Variants in SORL1 observed in about 807,000 individuals in gnomAD.
The protein encoded by SORL1 is sortilin related receptor 1.
A neutral mutation model predicts 273.7 loss-of-function variants in SORL1; 127 were observed. The ratio of observed to expected loss-of-function variants is 0.46; its 90% CI spans 0.40 to 0.54. The LOEUF is 0.54. SORL1 is among the 20% of genes least tolerant of loss of function. SORL1 has a pLI of 0.00. For missense variants in SORL1, 2,494 were observed against 2,846.1 expected (o/e 0.88, Z 2.81); for synonymous variants, 1,031 against 1,067.4 (o/e 0.97, Z 0.66).
In SORL1 at chr11:121,555,602, T is replaced by C. The variant is rs192500850; in HGVS notation, c.2571+284T>C. On this transcript the variant is annotated intron_variant, in intron 18 of 47. Coordinates refer to ENST00000260197, the MANE Select transcript of SORL1 (RefSeq NM_003105.6). ...ACTTATTTTATTTATATATTATTTT[T>C]GTTTTATTTTACTACTTTTATTAAA... Among the ~76,000 whole-genome samples, 279 of 152,214 alleles carry C rather than the reference T, an allele frequency of 1.8e-3. 3 individuals carry two copies. Among genetic ancestry groups the C allele is most frequent in the Admixed American group, 0.016 (243 of 15,292 alleles).
In SORL1 at chr11:121,553,916, CG is replaced by C; in HGVS notation, c.2267-20del. ...AGCATCCCCTGGGTCCAACCTCCCA[CG>C]TGTCTTGTGTGTCTGGCAGAAGAGA... On this transcript the variant is annotated intron_variant, in intron 16 of 47. Transcript: ENST00000260197. 1 of 1,605,158 alleles carries C rather than the reference CG, an allele frequency of 6.2e-7. No homozygotes were observed. The highest frequency in any genetic ancestry group is 8.5e-7 in the Non-Finnish European group (1 of 1,174,294).
rs369018073 is a variant in SORL1 at position 121,478,208 on chromosome 11, G to A, written c.493G>A (p.Ala165Thr). 25 of 1,614,066 alleles carry A rather than the reference G, an allele frequency of 1.5e-5. No homozygotes were observed. Among genetic ancestry groups the A allele is most frequent in the Non-Finnish European group, 1.9e-5 (23 of 1,180,006 alleles). ...GGGAAATAGGAGTGAAGCTGTTATC[G>A]CCCAGTTCTACCACAGCCCTGCGGA... ...GLGNRSEAVI[A>T]QFYHSPADNK... is the part of the protein sequence containing the mutation. Residue 165 changes from alanine to threonine, a missense_variant, in exon 3 of 48, where the codon GCC (alanine) becomes ACC (threonine). Physicochemically the swap from Ala to Thr is moderately conservative, Grantham distance 58. This residue lies in a region of SORL1 where 710 missense variants were observed against 882.5 expected (regional missense o/e 0.80). Transcript: ENST00000260197.
chr11:121,554,180 G>T lies in SORL1; in HGVS notation c.2439+71G>T, dbSNP rs771986479. On this transcript the variant is annotated intron_variant, in intron 17 of 47. Coordinates refer to ENST00000260197, the MANE Select transcript of SORL1 (RefSeq NM_003105.6). This position sits in a 1 kb window ranked among gnomAD's most constrained non-coding sequence, Gnocchi z 4.6. ...GCCCTGTCCTGATAAGCTGCATGCA[G>T]AATGGCCTATGGAAATGGGCAGTTA... 1.3e-5 allele frequency: 18 copies of T among 1,406,384 alleles called. No homozygotes were observed. The highest frequency in any genetic ancestry group is 1.7e-5 in the Non-Finnish European group (17 of 1,019,646). The allele number at this position is 1,406,384 out of a possible 1,614,324, so 87.1% of individuals were successfully genotyped here.
chr11:121,567,218 T>C lies in SORL1; in HGVS notation c.3223+105T>C, dbSNP rs1385301561. ...TCTGTTTCCTAACCTTTTCGTGTTATTGGAAAAAGTCCAAGGTAAAAATCA... is the reference window on the plus strand; with the variant it reads ...TCTGTTTCCTAACCTTTTCGTGTTACTGGAAAAAGTCCAAGGTAAAAATCA... On this transcript the variant is annotated intron_variant, in intron 22 of 47. Transcript: ENST00000260197. 7.0e-6 allele frequency: 7 copies of C among 998,792 alleles called. No homozygotes were observed. The East Asian group carries it at 7.4e-5, about 11-fold the overall frequency. The allele number at this position is 998,792 out of a possible 1,614,324, so 61.9% of individuals were successfully genotyped here.
intron 22 of SORL1, among the ~76,000 whole-genome samples, chr11:121,567,965 G>A (rs952694359): frequency 5.3e-5 from 8 of 152,044 alleles, no homozygotes; most frequent in Non-Finnish European, 2.9e-5. Flanking sequence ...GCACATTCAC[G>A]GCTCACTGCA....
At chr11:121,486,464 C>G (rs1048121655) in intron 3 of SORL1, among the ~76,000 whole-genome samples, 2 of 151,552 alleles carry the variant, frequency 1.3e-5, no homozygotes, top group African/African-American at 4.8e-5. Context: ...CATGGTGAGA[C>G]TCTGTTTCTT....
chr11:121,579,367 G>A (rs916038774), intron 25 of SORL1, among the ~76,000 whole-genome samples: 8 of 152,168 alleles, frequency 5.3e-5, no homozygotes, highest in African/African-American at 9.7e-5. Context: ...ATTAAGCTGC[G>A]TACAGTGCCA....
intron 3 of SORL1, among the ~76,000 whole-genome samples, chr11:121,485,041 C>CA (rs1371982650): frequency 1.3e-5 from 2 of 152,222 alleles, no homozygotes; most frequent in African/African-American, 4.8e-5. Flanking sequence ...AGGCATGAGC[C>CA]ACCCCGCCCG....
chr11:121,554,882 T>A lies in SORL1; in HGVS notation c.2440-305T>A. Among the ~76,000 whole-genome samples the A allele has an allele frequency of 6.6e-6, 1 of 152,230 alleles. No individual in the cohort carries two copies. Among genetic ancestry groups the A allele is most frequent in the East Asian group, 1.9e-4 (1 of 5,202 alleles). ...TAAAAGCAAACAGACTCATACAATC[T>A]CAGTAATCTCTGACTTTATTATTGC... On this transcript the variant is annotated intron_variant, in intron 17 of 47. Transcript: ENST00000260197. The surrounding 1 kb of genome is among the most constrained non-coding windows in gnomAD (Gnocchi z 4.6).
chr11:121,538,306 A>G (rs1374993274), intron 12 of SORL1, among the ~76,000 whole-genome samples: 1 of 152,064 alleles, frequency 6.6e-6, no homozygotes, highest in Non-Finnish European at 1.5e-5. Flanking sequence ...CAGTCCAGAA[A>G]ATACTCACGT....
Position 121,513,040 on chromosome 11 carries a change from T to C in SORL1, c.977T>C (p.Leu326Pro). ...AGTGAACAGCAGTCTTCTGTCCAGC[T>C]CTGGGTCTCCTTTGGCCGGAAGCCC... ...LGSEQQSSVQ[L>P]WVSFGRKPMR... Residue 326 changes from leucine to proline, a missense_variant, in exon 7 of 48, where the codon CTC (leucine) becomes CCC (proline). Coordinates refer to ENST00000260197, the MANE Select transcript of SORL1 (RefSeq NM_003105.6). The C allele has an allele frequency of 1.2e-6, 2 of 1,614,222 alleles. No individual in the cohort carries two copies. Among genetic ancestry groups the C allele is most frequent in the East Asian group, 2.2e-5 (1 of 44,892 alleles).
chr11:121,512,875 C>A, intron 6 of SORL1, 128 bp from the exon 7 acceptor site: 1 of 670,316 alleles, frequency 1.5e-6, no homozygotes, highest in Non-Finnish European at 2.6e-6. Flanking sequence ...CATGAATTTG[C>A]AATCACAGTC....
At chr11:121,577,875 G>A (rs147275061) in intron 25 of SORL1, among the ~76,000 whole-genome samples, 245 of 152,222 alleles carry the variant, frequency 1.6e-3, no homozygotes, top group Middle Eastern at 3.4e-3. Flanking sequence ...TATAAGGTAG[G>A]GGTAGTGTTC....
chr11:121,612,641 A>G (rs1206835198), intron 39 of SORL1, 95 bp from the exon 40 acceptor site: 1 of 874,220 alleles, frequency 1.1e-6, no homozygotes, highest in Non-Finnish European at 1.8e-6. Context: ...ACCCAAGGAA[A>G]GAACAGGAAA....
chr11:121,457,493 T>C (rs1860926949), intron 1 of SORL1, among the ~76,000 whole-genome samples: 1 of 152,254 alleles, frequency 6.6e-6, no homozygotes, highest in African/African-American at 2.4e-5. Flanking sequence ...TATAAATGGC[T>C]TCCTGTTACC....
rs147641397 is a variant in SORL1 at position 121,594,621 on chromosome 11, C to T, written c.4370-1002C>T. Reference sequence around the variant, plus strand: ...AAATAATATATTCTTTCTTTCTGAACGTATTAAGGATATTTGTTTTTGAAG... The same window carrying T: ...AAATAATATATTCTTTCTTTCTGAATGTATTAAGGATATTTGTTTTTGAAG... On this transcript the variant is annotated intron_variant, in intron 31 of 47. Transcript: ENST00000260197. 1.2e-3 allele frequency among the ~76,000 whole-genome samples: 179 copies of T among 152,116 alleles called. 3 individuals carry two copies. The highest frequency in any genetic ancestry group is 3.6e-3 in the African/African-American group (151 of 41,512).
chr11:121,570,366 A>G, intron 23 of SORL1, 96 bp downstream of exon 23: 1 of 783,556 alleles, frequency 1.3e-6, no homozygotes, highest in South Asian at 1.8e-5. Flanking sequence ...GGCGAGGGCC[A>G]CCCATGATTG....
In SORL1 at chr11:121,550,793, G is replaced by A; in HGVS notation, c.2266+123G>A. 1 of 695,846 alleles carries A rather than the reference G, an allele frequency of 1.4e-6. No individual in the cohort carries two copies. Among genetic ancestry groups the A allele is most frequent in the East Asian group, 2.8e-5 (1 of 36,220 alleles). The allele number at this position is 695,846 out of a possible 1,614,324, so 43.1% of individuals were successfully genotyped here. ...TGGAGAAAAACAATGGCCGTCACAAGCATCACAGGGCTTCCTCTTTTCCCT... is the reference window on the plus strand; with the variant it reads ...TGGAGAAAAACAATGGCCGTCACAAACATCACAGGGCTTCCTCTTTTCCCT... On this transcript the variant is annotated intron_variant, in intron 16 of 47. Coordinates refer to ENST00000260197, the MANE Select transcript of SORL1 (RefSeq NM_003105.6). The surrounding 1 kb of genome is among the most constrained non-coding windows in gnomAD (Gnocchi z 5.3).
At chr11:121,478,811 C>CT (rs1861322770) in intron 3 of SORL1, among the ~76,000 whole-genome samples, 2 of 149,764 alleles carry the variant, frequency 1.3e-5, no homozygotes, top group African/African-American at 4.9e-5. Context: ...TGTGTGTGTG[C>CT]TTGTGTGCGT....
Sources: gnomAD v4.1 joint callset for allele counts (sites outside exome capture counted in the v4.1 genomes callset) on GRCh38, gnomAD v4.1.1 for gene constraint, gnomAD v4.1.1 regional missense constraint, Gnocchi (gnomAD v3.1) non-coding constraint, MANE v1.5 for transcripts, NCBI Gene and HGNC (gene_info 2026-07-23, HGNC 2026-07-21) for gene names.